The following TTC7B variants were observed in gnomAD, a reference collection of about 807,000 sequenced individuals.
TTC7B encodes the protein tetratricopeptide repeat domain 7B.
A neutral mutation model predicts 106.8 loss-of-function variants in TTC7B; 28 were observed. The ratio of observed to expected loss-of-function variants is 0.26; its 90% CI spans 0.19 to 0.36. The LOEUF (loss-of-function observed/expected upper bound fraction) is 0.36, where lower values mean the gene tolerates loss of function less well. TTC7B is among the 10% of genes least tolerant of loss of function. The pLI is 1.00. For missense variants in TTC7B, 862 were observed against 1,076.4 expected (o/e 0.80, Z 2.79); for synonymous variants, 405 against 430.6 (o/e 0.94, Z 0.74).
In TTC7B at chr14:90,586,459, G is replaced by A. The variant is rs149220035; in HGVS notation, c.2107+7027C>T. ...CTACTTTTGTATTTTTAGTAGAGAC[G>A]GGGTTTCACCATGTTGGCCAGGCTG... On this transcript the variant is annotated intron_variant, in intron 18 of 19. Coordinates refer to ENST00000328459, the MANE Select transcript of TTC7B (RefSeq NM_001010854.2). Among the ~76,000 whole-genome samples, 294 of 152,092 alleles carry A rather than the reference G, an allele frequency of 1.9e-3. 1 individual carries two copies. The highest frequency in any genetic ancestry group is 6.6e-3 in the African/African-American group (272 of 41,492).
rs2030348110 is a variant in TTC7B, at chr14:90,802,676, C to G, written c.121+13499G>C. On this transcript the variant is annotated intron_variant, in intron 1 of 19. Transcript: ENST00000328459. This position sits in a 1 kb window ranked among gnomAD's most constrained non-coding sequence, Gnocchi z 4.7. Reference sequence around the variant, plus strand: ...TCCGACCTACTGAAGAGCGGCGGTGCTCCTCCCGGTCTTTGGTCACCATTT... The same window carrying G: ...TCCGACCTACTGAAGAGCGGCGGTGGTCCTCCCGGTCTTTGGTCACCATTT... 6.6e-6 allele frequency among the ~76,000 whole-genome samples: 1 copy of G among 151,938 alleles called. No individual in the cohort carries two copies. The highest frequency in any genetic ancestry group is 1.5e-5 in the Non-Finnish European group (1 of 67,970).
At chr14:90,714,891 A>C (rs988135334) in intron 5 of TTC7B, among the ~76,000 whole-genome samples, 1 of 151,740 alleles carries the variant, frequency 6.6e-6, no homozygotes, top group African/African-American at 2.4e-5. Flanking sequence ...CCCCTCCCCA[A>C]TTTTCATCTC....
chr14:90,729,009 A>G (rs1329687758), intron 5 of TTC7B, among the ~76,000 whole-genome samples: 1 of 152,228 alleles, frequency 6.6e-6, no homozygotes, highest in Admixed American at 6.5e-5. Context: ...GGCAGATGAG[A>G]TCGAATGCAA....
rs1428039940 is a variant in TTC7B at position 90,610,784 on chromosome 14, G to A, written c.1924C>T (p.Leu642Phe). The A allele has an allele frequency of 6.2e-7, 1 of 1,613,840 alleles. No homozygotes were observed. The highest frequency in any genetic ancestry group is 8.5e-7 in the Non-Finnish European group (1 of 1,179,918). The part of the protein sequence containing the change: ...LDRTIADRRQ[L>F]NTITLPDFSD... ...AAGTCTGGCAAAGTAATTGTATTAA[G>A]CTGTCGTCTGTCAGCAATGGTTCTA... The change falls in exon 17 of 20, where the codon CTT becomes TTT. Residue 642 changes from leucine to phenylalanine, a missense_variant. Physicochemically the swap from Leu to Phe is conservative, Grantham distance 22. Coordinates refer to ENST00000328459, the MANE Select transcript of TTC7B (RefSeq NM_001010854.2).
At chr14:90,800,578 G>A (rs1354798895) in intron 1 of TTC7B, among the ~76,000 whole-genome samples, 1 of 152,038 alleles carries the variant, frequency 6.6e-6, no homozygotes, top group South Asian at 2.1e-4. Context: ...TTGGGAGGCC[G>A]AGGCAGGCGG....
At position 90,537,219 on chromosome 14, in the gene TTC7B, T is replaced by C. The variant is rs1182193587; in HGVS notation, c.*4149A>G. 1.3e-5 allele frequency: 2 copies of C among 152,250 alleles called. No individual in the cohort carries two copies. The highest frequency in any genetic ancestry group is 2.9e-5 in the Non-Finnish European group (2 of 68,054). The allele number at this position is 152,250 out of a possible 1,614,324, so 9.4% of individuals were successfully genotyped here. On this transcript the variant is annotated 3_prime_UTR_variant, in exon 20 of 20. Coordinates refer to ENST00000328459, the MANE Select transcript of TTC7B (RefSeq NM_001010854.2). The stretch of plus-strand genomic sequence containing the variant: ...TTATTTTATTTGTAGAGATAGGGTC[T>C]TGCTCTCTCATGCAGGCTGGACTGC...
intron 19 of TTC7B, among the ~76,000 whole-genome samples, chr14:90,564,490 C>T (rs1477419083): frequency 6.6e-6 from 1 of 152,194 alleles, no homozygotes; most frequent in Admixed American, 6.5e-5. Flanking sequence ...CCAATTGCAT[C>T]AGCCCCTAAC....
chr14:90,593,359 G>C, intron 18 of TTC7B, 127 bp downstream of exon 18: 1 of 1,330,772 alleles, frequency 7.5e-7, no homozygotes, highest in Non-Finnish European at 9.9e-7. Context: ...GTGAAGCTTT[G>C]ATCTCTCCTA....
At chr14:90,681,893 A>G (rs28668830) in intron 7 of TTC7B, among the ~76,000 whole-genome samples, 62 of 13,402 alleles carry the variant, frequency 4.6e-3, no homozygotes, top group South Asian at 0.013. Context: ...GTGTGTGTGT[A>G]TGTGTGTGTG....
At chr14:90,680,414 T>A in intron 8 of TTC7B, 58 bp downstream of exon 8, 7 of 1,348,228 alleles carry the variant, frequency 5.2e-6, no homozygotes, top group Non-Finnish European at 6.4e-6. Context: ...AATGGCTATA[T>A]CAAAAAAGGG....
intron 5 of TTC7B, among the ~76,000 whole-genome samples, 156 bp downstream of exon 5, chr14:90,729,919 A>T (rs925292749): frequency 2.1e-5 from 3 of 140,306 alleles, no homozygotes; most frequent in Non-Finnish European, 3.1e-5. Flanking sequence ...AAGAGACAAA[A>T]ACAGCCAATG....
chr14:90,654,983 C>G lies in TTC7B; in HGVS notation c.1459+10G>C. The G allele has an allele frequency of 6.3e-7, 1 of 1,599,148 alleles. No individual in the cohort carries two copies. Among genetic ancestry groups the G allele is most frequent in the Non-Finnish European group, 8.6e-7 (1 of 1,166,364 alleles). On this transcript the variant is annotated intron_variant, in intron 12 of 19. Coordinates refer to ENST00000328459, the MANE Select transcript of TTC7B (RefSeq NM_001010854.2). ...CAGCTCAGCAGCTGTGGGGGTGGGACGTCTCTCACCGTCAGTGGCCTGCAG... is the reference window on the plus strand; with the variant it reads ...CAGCTCAGCAGCTGTGGGGGTGGGAGGTCTCTCACCGTCAGTGGCCTGCAG...
At chr14:90,681,017 TTTAGTGAACTATC>T (rs1887029485) in intron 7 of TTC7B, among the ~76,000 whole-genome samples, 1 of 152,232 alleles carries the variant, frequency 6.6e-6, no homozygotes, top group Admixed American at 6.5e-5. Context: ...ACTGTAAGAA[TTTAGTGAACTATC>T]TTATTTAGAC....
chr14:90,779,268 T>C (rs897664303), intron 3 of TTC7B, among the ~76,000 whole-genome samples: 10 of 152,220 alleles, frequency 6.6e-5, no homozygotes, highest in African/African-American at 1.7e-4. Context: ...GCTTTTACTA[T>C]TTGCTGCCAT....
chr14:90,798,096 T>A (rs1277454041), intron 1 of TTC7B, among the ~76,000 whole-genome samples: 2 of 152,122 alleles, frequency 1.3e-5, no homozygotes, highest in African/African-American at 4.8e-5. Context: ...TCCCTCTTGC[T>A]TCTCTGTGAC....
intron 1 of TTC7B, among the ~76,000 whole-genome samples, chr14:90,809,232 C>A (rs901838240): frequency 5.9e-5 from 9 of 152,252 alleles, no homozygotes; most frequent in African/African-American, 2.2e-4. Flanking sequence ...GAGACTACTT[C>A]TTCCCTTTTA....
Position 90,624,032 on chromosome 14 carries a change from C to A in TTC7B, c.1752-5987G>T, listed in dbSNP as rs980532644. 6.6e-5 allele frequency among the ~76,000 whole-genome samples: 10 copies of A among 152,108 alleles called. No homozygotes were observed. Among genetic ancestry groups the A allele is most frequent in the African/African-American group, 2.4e-4 (10 of 41,430 alleles). ...ACAGACTCTGTCTCAAACAACAAAA[C>A]AAAAACAAAACAAAACAAAACCCAT... On this transcript the variant is annotated intron_variant, in intron 15 of 19. Coordinates refer to ENST00000328459, the MANE Select transcript of TTC7B (RefSeq NM_001010854.2). The surrounding 1 kb of genome is among the most constrained non-coding windows in gnomAD (Gnocchi z 4.0).
intron 1 of TTC7B, among the ~76,000 whole-genome samples, chr14:90,811,191 T>C (rs2030883833): frequency 6.6e-6 from 1 of 152,192 alleles, no homozygotes; most frequent in Admixed American, 6.5e-5. Flanking sequence ...GGACATATGG[T>C]CTGCCACAAA....
At position 90,536,509 on chromosome 14, in the gene TTC7B, A is replaced by G. The variant is rs1889423093; in HGVS notation, c.*4859T>C. 1 of 151,866 alleles carries G rather than the reference A, an allele frequency of 6.6e-6. No individual in the cohort carries two copies. The highest frequency in any genetic ancestry group is 6.6e-5 in the Admixed American group (1 of 15,246). 9.4% of individuals were successfully genotyped at this position (151,866 alleles called of 1,614,324 possible). A position where few individuals can be genotyped will look rare whatever the true frequency, so the allele number is the denominator to read the frequency against. ...CTCCTGCCTTCTCCTCTCCTCCCCA[A>G]CCTATTCTTCCTGTTTCCTGGCCAT... is the stretch of plus-strand genomic sequence containing the variant. On this transcript the variant is annotated 3_prime_UTR_variant, in exon 20 of 20. Transcript: ENST00000328459.
Sources: allele counts gnomAD v4.1 joint callset (sites outside exome capture counted in the v4.1 genomes callset), GRCh38; gene constraint gnomAD v4.1.1; non-coding constraint Gnocchi (gnomAD v3.1); transcripts MANE v1.5; gene names NCBI Gene and HGNC (gene_info 2026-07-23, HGNC 2026-07-21).